TTC23L: variants seen among roughly 807,000 people sequenced by gnomAD.
TTC23L encodes tetratricopeptide repeat domain 23 like.
In TTC23L, 42 loss-of-function variants were observed where a neutral mutation model predicts 48.1. That is an observed-to-expected ratio of 0.87 (90% CI 0.68 to 1.13). TTC23L has a LOEUF of 1.13. Ranked by LOEUF, TTC23L falls within the 50% of genes most tolerant of loss-of-function variation. The pLI is 0.00. For missense variants in TTC23L, 391 were observed against 421.0 expected (o/e 0.93, Z 0.62); for synonymous variants, 159 against 157.2 (o/e 1.01, Z -0.09).
chr5:34,888,525 C>T (rs1372233597), intron 9 of TTC23L: 1 of 985,212 alleles, frequency 1.0e-6, no homozygotes, highest in Non-Finnish European at 1.2e-6. Flanking sequence ...AGCCTCCTTA[C>T]CCTGTGGCAG....
intron 8 of TTC23L, chr5:34,869,949 C>T (rs1177932353): frequency 2.0e-5 from 3 of 151,982 alleles, no homozygotes; most frequent in East Asian, 1.9e-4. Flanking sequence ...AAGATTTCCT[C>T]GTCTATATTC....
chr5:34,908,343 T>C, the TTC23L span: 1 of 152,502 alleles, frequency 6.6e-6, no homozygotes, highest in Non-Finnish European at 1.5e-5. Flanking sequence ...CCGGCTAATT[T>C]TTTGTATTTT....
the TTC23L span, chr5:34,906,194 T>C: frequency 2.0e-5 from 3 of 152,134 alleles, no homozygotes; most frequent in African/African-American, 7.2e-5. Context: ...TGACCTCAGA[T>C]GATCCCCCTG....
intron 4 of TTC23L, chr5:34,860,725 AT>A (rs1426736586): frequency 6.6e-6 from 1 of 151,972 alleles, no homozygotes; most frequent in African/African-American, 2.4e-5. Context: ...GATCACTTTT[AT>A]TTATTTTTAT....
chr5:34,858,598 A>G (rs1430164121), intron 4 of TTC23L, among the ~76,000 whole-genome samples: 4 of 152,134 alleles, frequency 2.6e-5, no homozygotes, highest in Admixed American at 1.3e-4. Flanking sequence ...CTTTTTATAC[A>G]TGTATTTTAA....
the TTC23L span, chr5:34,915,916 G>A: frequency 6.6e-7 from 1 of 1,521,804 alleles, no homozygotes; most frequent in Non-Finnish European, 8.8e-7. Context: ...GGATGTCCCC[G>A]GGCTACACCT....
At chr5:34,916,852 T>A in the TTC23L span, 1 of 152,214 alleles carries the variant, frequency 6.6e-6, no homozygotes, top group South Asian at 2.1e-4. Flanking sequence ...TGCTCTTTTC[T>A]GACCTGCAGA....
At chr5:34,857,723 TAATC>T (rs1178438654) in intron 4 of TTC23L, among the ~76,000 whole-genome samples, 1 of 152,218 alleles carries the variant, frequency 6.6e-6, no homozygotes, top group Non-Finnish European at 1.5e-5. Flanking sequence ...TATATTAAAT[TAATC>T]CTTGCGACAA....
At chr5:34,913,049 A>G in the TTC23L span, among the ~76,000 whole-genome samples, 5 of 152,212 alleles carry the variant, frequency 3.3e-5, no homozygotes, top group Non-Finnish European at 7.3e-5. Context: ...CTTATAAAAT[A>G]TGGCTTAAAA....
intron 2 of TTC23L, among the ~76,000 whole-genome samples, chr5:34,841,911 C>T (rs1052935620): frequency 3.3e-5 from 5 of 152,112 alleles, no homozygotes; most frequent in Admixed American, 3.3e-4. Context: ...GGAGGGCTGT[C>T]CTATATGTTG....
In TTC23L at chr5:34,850,510, T is replaced by G. The variant is rs116734406; in HGVS notation, c.379+202T>G. Among the ~76,000 whole-genome samples, 363 of 152,302 alleles carry G rather than the reference T, an allele frequency of 2.4e-3. 2 individuals are homozygous for G. Among genetic ancestry groups the G allele is most frequent in the African/African-American group, 8.3e-3 (345 of 41,556 alleles). On this transcript the variant is annotated intron_variant, in intron 4 of 10. Transcript: ENST00000505624. ...AGATAATAATGATGATGACAGTTAT[T>G]GAGTATTTAGCATGTGCCAAACTGG...
chr5:34,854,188 G>C lies in TTC23L; in HGVS notation c.379+3880G>C, dbSNP rs767876193. Among the ~76,000 whole-genome samples the C allele has an allele frequency of 2.6e-5, 4 of 152,186 alleles. No individual in the cohort carries two copies. In the South Asian group the frequency reaches 8.3e-4, roughly 31 times the overall value. On this transcript the variant is annotated intron_variant, in intron 4 of 10. Transcript: ENST00000505624. ...TCCTGCTGCATGAATAGAGAACTAC[G>C]TTGGGGCAATAAGTTGGAGGAGACA... is the stretch of plus-strand genomic sequence containing the variant.
chr5:34,925,166 C>T, the TTC23L span: 5 of 1,476,156 alleles, frequency 3.4e-6, no homozygotes, highest in African/African-American at 5.7e-5. Context: ...AAAGTCTTTG[C>T]CTTATATAAA....
the TTC23L span, chr5:34,911,432 C>T: frequency 6.0e-6 from 7 of 1,170,304 alleles, no homozygotes; most frequent in East Asian, 1.6e-4. Context: ...AGAGTACAAG[C>T]TGTCTAAAGT....
chr5:34,880,393 G>A (rs1258175135), intron 9 of TTC23L, 85 bp downstream of exon 9: 4 of 1,376,164 alleles, frequency 2.9e-6, no homozygotes, highest in South Asian at 3.0e-5. Flanking sequence ...TCAGATACTG[G>A]AGATCAGATA....
At chr5:34,849,943 CAG>C (rs1182256439) in intron 3 of TTC23L, among the ~76,000 whole-genome samples, 1 of 152,108 alleles carries the variant, frequency 6.6e-6, no homozygotes, top group South Asian at 2.1e-4. Context: ...TGTGGCCAGC[CAG>C]GTCAAAGGTG....
chr5:34,848,490 T>C (rs1328385787), intron 3 of TTC23L, among the ~76,000 whole-genome samples: 1 of 152,136 alleles, frequency 6.6e-6, no homozygotes, highest in Non-Finnish European at 1.5e-5. Context: ...GGGGAGATAA[T>C]AGACAAACAA....
At chr5:34,843,933 A>C (rs116561644) in intron 2 of TTC23L, among the ~76,000 whole-genome samples, 4 of 152,254 alleles carry the variant, frequency 2.6e-5, no homozygotes, top group African/African-American at 9.6e-5. Flanking sequence ...CAGGCAAAGA[A>C]GACTCAGAAA....
the TTC23L span, chr5:34,915,564 C>A: frequency 2.7e-6 from 2 of 747,880 alleles, no homozygotes; most frequent in Non-Finnish European, 4.1e-6. Flanking sequence ...CACCACAGAG[C>A]TGAAGGAGGC....
Sources: gnomAD v4.1 joint callset for allele counts (sites outside exome capture counted in the v4.1 genomes callset) on GRCh38, gnomAD v4.1.1 for gene constraint, MANE v1.5 for transcripts, NCBI Gene and HGNC (gene_info 2026-07-23, HGNC 2026-07-21) for gene names.